NAALADL2: variants seen among roughly 807,000 people sequenced by gnomAD.
The protein encoded by NAALADL2 is inactive N-acetylated-alpha-linked acidic dipeptidase-like protein 2.
A neutral mutation model predicts 87.2 loss-of-function variants in NAALADL2; 76 were observed. That is an observed-to-expected ratio of 0.87 (90% CI 0.72 to 1.05). The LOEUF is 1.05. Among genes scored for constraint, NAALADL2 ranks in the 50% least tolerant of loss-of-function variants. The pLI is 0.00. For missense variants in NAALADL2, 1,089 were observed against 945.8 expected, an observed-to-expected ratio of 1.15 and a Z score of -1.99; for synonymous variants, 354 against 331.0, an observed-to-expected ratio of 1.07 and a Z score of -0.75.
In NAALADL2 at chr3:175,661,980, C is replaced by A. The variant is rs1391012537; in HGVS notation, c.1896+34594C>A. Reference sequence around the variant, plus strand: ...CAGGGTTGCTTTGGCTATTTGGTGTCTTTTGTGGTTCCATACACATTTTAT... The same window carrying A: ...CAGGGTTGCTTTGGCTATTTGGTGTATTTTGTGGTTCCATACACATTTTAT... On this transcript the variant is annotated intron_variant, in intron 11 of 13. Transcript: ENST00000454872. 3.9e-5 allele frequency among the ~76,000 whole-genome samples: 6 copies of A among 152,036 alleles called. No homozygotes were observed. The South Asian group carries it at 8.3e-4, about 21-fold the overall frequency.
At chr3:174,786,012 T>G (rs1716596416) in intron 3 of NAALADL2, among the ~76,000 whole-genome samples, 1 of 152,194 alleles carries the variant, frequency 6.6e-6, no homozygotes, top group Admixed American at 6.5e-5. Context: ...ATTACATGAT[T>G]AGCTGTGGCA....
chr3:175,487,959 AG>A (rs1727541097), intron 9 of NAALADL2, among the ~76,000 whole-genome samples: 1 of 152,180 alleles, frequency 6.6e-6, no homozygotes, highest in African/African-American at 2.4e-5. Context: ...AATTTAAGTA[AG>A]GGGATTAATA....
At chr3:175,473,249 A>C (rs1366582308) in intron 9 of NAALADL2, among the ~76,000 whole-genome samples, 1 of 152,140 alleles carries the variant, frequency 6.6e-6, no homozygotes, top group Non-Finnish European at 1.5e-5. Context: ...TTTCTCAATC[A>C]CAAGTGATGA....
intron 3 of NAALADL2, chr3:175,242,435 G>C (rs1004867094): frequency 3.3e-5 from 5 of 152,130 alleles, no homozygotes; most frequent in Non-Finnish European, 7.3e-5. Flanking sequence ...AGAGATCTGT[G>C]GAAAAGTTGA....
chr3:174,527,858 G>T (rs548064444), intron 1 of NAALADL2, among the ~76,000 whole-genome samples: 2 of 152,062 alleles, frequency 1.3e-5, no homozygotes, highest in Non-Finnish European at 2.9e-5. Context: ...TTGCTATTTC[G>T]TATTGGAAAG....
At chr3:174,742,854 CA>C (rs1353848679) in intron 3 of NAALADL2, among the ~76,000 whole-genome samples, 8 of 151,430 alleles carry the variant, frequency 5.3e-5, no homozygotes, top group Non-Finnish European at 1.2e-4. Context: ...AATGTAAATA[CA>C]AAAGGACTGT....
intron 5 of NAALADL2, among the ~76,000 whole-genome samples, chr3:175,435,255 C>T (rs1003808418): frequency 6.6e-6 from 1 of 151,942 alleles, no homozygotes; most frequent in Non-Finnish European, 1.5e-5. Flanking sequence ...TTAAAGAACA[C>T]GTTAATGACC....
At chr3:175,582,410 T>C (rs776256530) in intron 10 of NAALADL2, among the ~76,000 whole-genome samples, 1 of 152,202 alleles carries the variant, frequency 6.6e-6, no homozygotes, top group Non-Finnish European at 1.5e-5. Flanking sequence ...GATCAAAATA[T>C]ATAGCATACG....
intron 4 of NAALADL2, among the ~76,000 whole-genome samples, chr3:175,300,422 G>A (rs1370844461): frequency 6.6e-6 from 1 of 152,052 alleles, no homozygotes; most frequent in African/African-American, 2.4e-5. Flanking sequence ...CTGGTCTTGG[G>A]CTTTTTTTTG....
In NAALADL2 at chr3:175,755,327, A is replaced by G. The variant is rs1478562381; in HGVS notation, c.2098A>G (p.Arg700Gly). The G allele has an allele frequency of 1.2e-6, 2 of 1,613,386 alleles. No individual in the cohort carries two copies. The highest frequency in any genetic ancestry group is 1.3e-5 in the African/African-American group (1 of 74,880). Residue 700 changes from arginine to glycine, a missense_variant, in exon 13 of 14, where the codon AGA (arginine) becomes GGA (glycine). Transcript: ENST00000454872. ...EMRPANDPKE[R>G]APIRIRMLND... ...GCGACCTGCTAATGATCCCAAGGAG[A>G]GAGCACCCATCCGCATCCGGATGCT...
intron 2 of NAALADL2, among the ~76,000 whole-genome samples, chr3:174,651,291 T>A (rs1021382182): frequency 6.6e-6 from 1 of 152,198 alleles, no homozygotes; most frequent in African/African-American, 2.4e-5. Flanking sequence ...ATCTAGGCTA[T>A]TGGCTTTTAG....
chr3:175,387,844 A>G (rs995125494), intron 5 of NAALADL2, among the ~76,000 whole-genome samples: 1 of 152,116 alleles, frequency 6.6e-6, no homozygotes, highest in Non-Finnish European at 1.5e-5. Flanking sequence ...TCCAAACACT[A>G]CAACTAATCA....
intron 5 of NAALADL2, among the ~76,000 whole-genome samples, chr3:175,371,316 G>T (rs1215761412): frequency 6.6e-6 from 1 of 151,788 alleles, no homozygotes; most frequent in Non-Finnish European, 1.5e-5. Context: ...CGCCCAGGCC[G>T]GACTGCAGTG....
chr3:174,601,173 A>C (rs1006050969), intron 2 of NAALADL2, among the ~76,000 whole-genome samples: 2 of 152,060 alleles, frequency 1.3e-5, no homozygotes, highest in South Asian at 4.1e-4. Context: ...AGATTTCTGG[A>C]TCATATGGTA....
chr3:175,600,525 CT>C (rs869212429), intron 10 of NAALADL2, among the ~76,000 whole-genome samples: 382 of 60,964 alleles, frequency 6.3e-3, no homozygotes, highest in African/African-American at 0.018. Context: ...GTGTCTTAGT[CT>C]TTTTTTTTTT....
At chr3:175,638,446 T>C (rs1728842320) in intron 11 of NAALADL2, among the ~76,000 whole-genome samples, 1 of 152,186 alleles carries the variant, frequency 6.6e-6, no homozygotes, top group African/African-American at 2.4e-5. Flanking sequence ...ATGCTGCCAC[T>C]TTTGGGAATT....
intron 11 of NAALADL2, among the ~76,000 whole-genome samples, chr3:175,648,806 A>G (rs1157580746): frequency 1.3e-5 from 2 of 152,154 alleles, no homozygotes; most frequent in African/African-American, 4.8e-5. Flanking sequence ...ATAAATCCCA[A>G]CTCCAAAGAT....
At chr3:174,737,061 C>A (rs559038196) in intron 2 of NAALADL2, among the ~76,000 whole-genome samples, 1 of 152,350 alleles carries the variant, frequency 6.6e-6, no homozygotes, top group African/African-American at 2.4e-5. Flanking sequence ...CCTGCCCTGC[C>A]AACTCAGGAG....
At chr3:175,011,199 G>T (rs1422599992) in intron 1 of NAALADL2, among the ~76,000 whole-genome samples, 1 of 151,654 alleles carries the variant, frequency 6.6e-6, no homozygotes, top group Non-Finnish European at 1.5e-5. Flanking sequence ...GGGGCCCACA[G>T]AAGGGCTTCT....
Sources: gnomAD v4.1 joint callset for allele counts (sites outside exome capture counted in the v4.1 genomes callset) on GRCh38, gnomAD v4.1.1 for gene constraint, MANE v1.5 for transcripts, NCBI Gene and HGNC (gene_info 2026-07-23, HGNC 2026-07-21) for gene names.